Variants in C2orf76 observed in about 807,000 individuals in gnomAD.
C2orf76 encodes chromosome 2 open reading frame 76.
Under a neutral mutation model 16.9 loss-of-function variants are expected in C2orf76, and 23 were observed. The observed-to-expected ratio is 1.36, with a 90% CI of 0.98 to 1.93. C2orf76 has a LOEUF of 1.93. Ranked by LOEUF, C2orf76 falls within the 30% of genes most tolerant of loss-of-function variation. C2orf76 has a pLI of 0.00. For synonymous variants in C2orf76, 48 were observed against 52.3 expected (o/e 0.92, Z 0.35); for missense variants, 152 against 152.6 (o/e 1.00, Z 0.02).
At chr2:119,339,754 GATT>G (rs948121339) in intron 2 of C2orf76, 70 bp downstream of exon 2, 184 of 1,439,038 alleles carry the variant, frequency 1.3e-4, no homozygotes, top group Non-Finnish European at 1.7e-4. Context: ...ATTTGTTAAA[GATT>G]ATTATTAATG....
chr2:119,329,061 A>G (rs1212830969), intron 2 of C2orf76, among the ~76,000 whole-genome samples: 1 of 152,176 alleles, frequency 6.6e-6, no homozygotes, highest in Non-Finnish European at 1.5e-5. Context: ...AAATTCCACT[A>G]TTGTTGGAAG....
chr2:119,285,794 G>A, the C2orf76 span, among the ~76,000 whole-genome samples: 1 of 152,188 alleles, frequency 6.6e-6, no homozygotes, highest in Non-Finnish European at 1.5e-5. Context: ...AGCAAGGAAA[G>A]TGAATCCATT....
At chr2:119,323,011 T>C (rs1679396096) in intron 2 of C2orf76, among the ~76,000 whole-genome samples, 1 of 152,134 alleles carries the variant, frequency 6.6e-6, no homozygotes, top group African/African-American at 2.4e-5. Context: ...TCCACGTATC[T>C]AAATTAGGAA....
chr2:119,360,392 G>A (rs1034497227), intron 1 of C2orf76, among the ~76,000 whole-genome samples: 6 of 148,072 alleles, frequency 4.1e-5, no homozygotes, highest in Non-Finnish European at 7.4e-5. Flanking sequence ...CAGGAGAATC[G>A]CTTGAACCTG....
At chr2:119,361,385 G>C (rs1680739885) in intron 1 of C2orf76, among the ~76,000 whole-genome samples, 1 of 152,138 alleles carries the variant, frequency 6.6e-6, no homozygotes, top group Non-Finnish European at 1.5e-5. Context: ...TTATAGATAT[G>C]TATGTACAGT....
rs531906542 is a variant in C2orf76 at position 119,318,532 on chromosome 2, A to G, written c.185-1029T>C. 2.1e-5 allele frequency among the ~76,000 whole-genome samples: 3 copies of G among 144,414 alleles called. No homozygotes were observed. In the Admixed American group the frequency reaches 2.1e-4, roughly 10 times the overall value. 94.7% of individuals were successfully genotyped at this position (144,414 alleles called of 152,430 possible). ...AGTCAACTTTCAGTTATCTATTGCA[A>G]TTTTTTTTTTTTTTTGAGACGGAGT... On this transcript the variant is annotated intron_variant, in intron 3 of 5. Transcript: ENST00000334816.
At chr2:119,315,359 C>T (rs1205046129) in intron 4 of C2orf76, among the ~76,000 whole-genome samples, 3 of 152,032 alleles carry the variant, frequency 2.0e-5, no homozygotes, top group Non-Finnish European at 4.4e-5. Flanking sequence ...TGAATGAGTT[C>T]ATTAAGACAA....
the C2orf76 span, among the ~76,000 whole-genome samples, chr2:119,282,656 T>C: frequency 6.6e-6 from 1 of 152,216 alleles, no homozygotes; most frequent in Non-Finnish European, 1.5e-5. Context: ...AGCACCCCGG[T>C]GCATCCTCCC....
At chr2:119,337,804 G>A (rs1321387001) in intron 2 of C2orf76, among the ~76,000 whole-genome samples, 1 of 152,204 alleles carries the variant, frequency 6.6e-6, no homozygotes, top group Non-Finnish European at 1.5e-5. Flanking sequence ...GTGGGTCTGA[G>A]CATCTCACTG....
chr2:119,313,629 A>C (rs1255979092), intron 4 of C2orf76, among the ~76,000 whole-genome samples: 1 of 152,064 alleles, frequency 6.6e-6, no homozygotes, highest in Non-Finnish European at 1.5e-5. Flanking sequence ...AGTAATATCT[A>C]CTCATTATAC....
chr2:119,303,957 A>C (rs1281991065), intron 5 of C2orf76, among the ~76,000 whole-genome samples: 2 of 152,208 alleles, frequency 1.3e-5, no homozygotes, highest in Admixed American at 1.3e-4. Flanking sequence ...CTGTGCAAAC[A>C]GTAAGTTAAG....
the C2orf76 span, among the ~76,000 whole-genome samples, chr2:119,292,874 A>C: frequency 6.6e-6 from 1 of 151,432 alleles, no homozygotes; most frequent in South Asian, 2.2e-4. Context: ...GCCTCTACTA[A>C]AAATACAAAA....
At chr2:119,283,321 C>A in the C2orf76 span, among the ~76,000 whole-genome samples, 1 of 152,172 alleles carries the variant, frequency 6.6e-6, no homozygotes, top group Non-Finnish European at 1.5e-5. Flanking sequence ...CAGTGCTGCA[C>A]CCCCTCTGCC....
At chr2:119,360,363 G>C (rs1680705316) in intron 1 of C2orf76, among the ~76,000 whole-genome samples, 1 of 151,164 alleles carries the variant, frequency 6.6e-6, no homozygotes, top group African/African-American at 2.4e-5. Context: ...TGCAATCCCA[G>C]CTATTCAGGA....
intron 1 of C2orf76, among the ~76,000 whole-genome samples, chr2:119,350,066 A>ACCC (rs1489941272): frequency 3.8e-4 from 13 of 33,794 alleles, no homozygotes; most frequent in Non-Finnish European, 5.3e-4. Context: ...CCCCGCCCAC[A>ACCC]CCGCCCCCCG....
intron 1 of C2orf76, chr2:119,340,182 C>T: frequency 2.2e-6 from 1 of 458,368 alleles, no homozygotes; most frequent in Non-Finnish European, 3.9e-6. Context: ...TCCTGGACAG[C>T]TCTGTCACAG....
intron 1 of C2orf76, among the ~76,000 whole-genome samples, chr2:119,346,159 G>A (rs147530515): frequency 1.3e-5 from 2 of 152,164 alleles, no homozygotes; most frequent in African/African-American, 4.8e-5. Context: ...TGTTGGTGAG[G>A]GTGGAGAAAT....
At chr2:119,342,338 C>T (rs770621856) in intron 1 of C2orf76, among the ~76,000 whole-genome samples, 1 of 152,080 alleles carries the variant, frequency 6.6e-6, no homozygotes, top group Non-Finnish European at 1.5e-5. Context: ...TGGCCAGGCG[C>T]GGTGGCTCAC....
chr2:119,319,451 A>C (rs1404916519), intron 3 of C2orf76, among the ~76,000 whole-genome samples: 1 of 152,156 alleles, frequency 6.6e-6, no homozygotes, highest in African/African-American at 2.4e-5. Flanking sequence ...ATCACAAACA[A>C]TACCTGTGGG....
Sources: allele counts gnomAD v4.1 joint callset (sites outside exome capture counted in the v4.1 genomes callset), GRCh38; gene constraint gnomAD v4.1.1; transcripts MANE v1.5; gene names NCBI Gene and HGNC (gene_info 2026-07-23, HGNC 2026-07-21).